Variants in RREB1 observed in about 807,000 individuals in gnomAD.
RREB1 encodes the protein ras responsive element binding protein 1, also known as ras-responsive element-binding protein 1.
In RREB1, 27 loss-of-function variants were observed where a neutral mutation model predicts 117.8. The observed-to-expected ratio is 0.23, with a 90% CI of 0.17 to 0.32. The LOEUF is 0.32. Among genes scored for constraint, RREB1 ranks in the 10% least tolerant of loss-of-function variants. The pLI is 1.00. For synonymous variants in RREB1, 1,298 were observed against 1,026.7 expected (o/e 1.26, Z -5.05); for missense variants, 2,577 against 2,378.2 (o/e 1.08, Z -1.74).
At chr6:7,186,274 T>C (rs544337628) in intron 4 of RREB1, among the ~76,000 whole-genome samples, 72 of 152,288 alleles carry the variant, frequency 4.7e-4, no homozygotes, top group East Asian at 7.7e-4. Context: ...GAACTTTCAA[T>C]TCAAGTGCTC....
chr6:7,250,888 T>C lies in RREB1; in HGVS notation c.*1920T>C, dbSNP rs2113219358. The C allele has an allele frequency of 6.6e-6, 1 of 152,306 alleles. No individual in the cohort carries two copies. The highest frequency in any genetic ancestry group is 1.5e-5 in the Non-Finnish European group (1 of 68,024). The allele number at this position is 152,306 out of a possible 1,614,324, so 9.4% of individuals were successfully genotyped here. On this transcript the variant is annotated 3_prime_UTR_variant, in exon 13 of 13. Transcript: ENST00000379938. ...AGTTTAAAAACGAGGTTTTATTTAC[T>C]GTAGAGATGAATGCAAATCAGAACC...
chr6:7,167,929 A>G (rs7356807), intron 1 of RREB1, among the ~76,000 whole-genome samples: 8,884 of 152,164 alleles, frequency 0.058, 866 homozygotes, highest in African/African-American at 0.2. Flanking sequence ...CGGTGGCTCC[A>G]TTGATGGCAA....
intron 1 of RREB1, among the ~76,000 whole-genome samples, chr6:7,164,774 G>T (rs1763842568): frequency 1.3e-5 from 2 of 152,320 alleles, no homozygotes; most frequent in Non-Finnish European, 2.9e-5. Context: ...AGTTAGGATT[G>T]GGAGGAAAAT....
Position 7,117,339 on chromosome 6 carries a change from G to GGGGT in RREB1, c.-285+9285_-285+9288dup, listed in dbSNP as rs1161119640. 3.3e-5 allele frequency among the ~76,000 whole-genome samples: 5 copies of GGGGT among 150,152 alleles called. No homozygotes were observed. The East Asian group carries it at 9.8e-4, about 29-fold the overall frequency. ...AAATAGGGGAGATAACCAGGAAGAT[G>GGGGT]GGGTGGGTGTTCTGAAACACAAAGG... On this transcript the variant is annotated intron_variant, in intron 1 of 12. Coordinates refer to ENST00000379938, the MANE Select transcript of RREB1 (RefSeq NM_001003699.4).
chr6:7,204,763 G>T (rs543917633), intron 6 of RREB1, among the ~76,000 whole-genome samples: 1 of 152,312 alleles, frequency 6.6e-6, no homozygotes, highest in East Asian at 1.9e-4. Context: ...AATTGAGACT[G>T]AAAAGTTAGC....
rs762182619 is a variant in RREB1 at position 7,231,000 on chromosome 6, G to A, written c.2901G>A (p.Glu967=). ...CTGAGGAGGAGGCGGGGAGCAGCGA[G>A]CAGCCCTCTCCCTGCCCAGCACCCG... ...KKPEEEAGSS[E]QPSPCPAPGP... is the part of the protein sequence containing the mutation. The change falls in exon 10 of 13, where the codon GAG becomes GAA. Residue 967 remains glutamate, a synonymous_variant. Coordinates refer to ENST00000379938, the MANE Select transcript of RREB1 (RefSeq NM_001003699.4). 3.1e-6 allele frequency: 5 copies of A among 1,614,168 alleles called. No individual in the cohort carries two copies. The highest frequency in any genetic ancestry group is 1.7e-6 in the Non-Finnish European group (2 of 1,180,022).
chr6:7,186,981 C>A (rs1765115353), intron 4 of RREB1, among the ~76,000 whole-genome samples: 1 of 152,178 alleles, frequency 6.6e-6, no homozygotes, highest in Non-Finnish European at 1.5e-5. Context: ...CTGATGAGAA[C>A]CTTGTTATCT....
Position 7,163,380 on chromosome 6 carries a change from GTTTTA to G in RREB1, c.-284-13261_-284-13257del, listed in dbSNP as rs1214520836. ...ACTGAGGCTGTTCTTTGACTTCAGC[GTTTTA>G]TTTTATTTTATTTATTTATTTATTG... is the stretch of plus-strand genomic sequence containing the variant. On this transcript the variant is annotated intron_variant, in intron 1 of 12. Transcript: ENST00000379938. 2.0e-5 allele frequency among the ~76,000 whole-genome samples: 3 copies of G among 152,096 alleles called. No homozygotes were observed. In the South Asian group the frequency reaches 6.3e-4, roughly 32 times the overall value.
chr6:7,224,998 C>T (rs912922565), intron 8 of RREB1, among the ~76,000 whole-genome samples: 6 of 152,092 alleles, frequency 3.9e-5, no homozygotes, highest in Non-Finnish European at 5.9e-5. Flanking sequence ...CCCGCTACAG[C>T]GCGATAAGGC....
chr6:7,202,651 G>A (rs960299800), intron 6 of RREB1, among the ~76,000 whole-genome samples: 2 of 152,216 alleles, frequency 1.3e-5, no homozygotes, highest in African/African-American at 4.8e-5. Context: ...CCAGCCATGA[G>A]TGTGGGGATT....
In RREB1 at chr6:7,248,559, A is replaced by G; in HGVS notation, c.4820A>G (p.Lys1607Arg). 1.9e-6 allele frequency: 3 copies of G among 1,614,264 alleles called. No homozygotes were observed. The highest frequency in any genetic ancestry group is 1.7e-6 in the Non-Finnish European group (2 of 1,180,042). Residue 1607 changes from lysine to arginine, a missense_variant, in exon 13 of 13, where the codon AAG becomes AGG. Coordinates refer to ENST00000379938, the MANE Select transcript of RREB1 (RefSeq NM_001003699.4). The stretch of plus-strand genomic sequence containing the variant: ...ACCTGCGAGCGAACCTTCACCTTGA[A>G]GCACAGCCTGGTTCGCCACCAGCGG... ...CQTCERTFTLKHSLVRHQRIH... is the reference protein window; with the variant it reads ...CQTCERTFTLRHSLVRHQRIH...
At chr6:7,162,844 ATTTTT>A (rs961250474) in intron 1 of RREB1, among the ~76,000 whole-genome samples, 1 of 151,322 alleles carries the variant, frequency 6.6e-6, no homozygotes, top group African/African-American at 2.4e-5. Context: ...TTTTATTTTT[ATTTTT>A]TTATTTTTTC....
At chr6:7,109,155 C>T (rs890812861) in intron 1 of RREB1, among the ~76,000 whole-genome samples, 3 of 151,914 alleles carry the variant, frequency 2.0e-5, no homozygotes, top group African/African-American at 4.8e-5. Flanking sequence ...TGTCCGCCGC[C>T]CGCTGGACCA....
Position 7,221,423 on chromosome 6 carries a change from C to T in RREB1, c.708-5044C>T, listed in dbSNP as rs562248875. Among the ~76,000 whole-genome samples the T allele has an allele frequency of 1.2e-4, 19 of 152,276 alleles. No individual in the cohort carries two copies. In the South Asian group the frequency reaches 2.5e-3, roughly 20 times the overall value. On this transcript the variant is annotated intron_variant, in intron 8 of 12. Transcript: ENST00000379938. ...TCCTGACCTCATGATCCACCCGCCT[C>T]GGCCTCCCAAAGTGCTGGGATTACA...
At chr6:7,151,633 C>T (rs1763127468) in intron 1 of RREB1, among the ~76,000 whole-genome samples, 1 of 152,178 alleles carries the variant, frequency 6.6e-6, no homozygotes, top group Non-Finnish European at 1.5e-5. Flanking sequence ...GTTGGTAGAG[C>T]TTAAAGGGGA....
intron 1 of RREB1, among the ~76,000 whole-genome samples, chr6:7,154,095 T>G (rs2113438404): frequency 6.6e-6 from 1 of 152,364 alleles, no homozygotes; most frequent in East Asian, 1.9e-4. Context: ...TATGTGGATA[T>G]TCTTTGAGCA....
At chr6:7,159,080 TTAAG>T (rs1172306292) in intron 1 of RREB1, among the ~76,000 whole-genome samples, 2 of 152,190 alleles carry the variant, frequency 1.3e-5, no homozygotes, top group African/African-American at 2.4e-5. Flanking sequence ...GCACTGCAAT[TTAAG>T]TAAGCAGAAA....
intron 8 of RREB1, chr6:7,219,127 A>C (rs2842371): frequency 5.9e-5 from 8 of 136,360 alleles, no homozygotes; most frequent in East Asian, 4.7e-4. Flanking sequence ...AAAAAAAGCC[A>C]GGCACGGTGT....
chr6:7,118,130 T>C (rs1271615759), intron 1 of RREB1, among the ~76,000 whole-genome samples: 15 of 152,196 alleles, frequency 9.9e-5, no homozygotes, highest in Admixed American at 9.2e-4. Context: ...AGTTTTTTGT[T>C]TTCTTTTTGA....
Sources: gnomAD v4.1 joint callset for allele counts (sites outside exome capture counted in the v4.1 genomes callset) on GRCh38, gnomAD v4.1.1 for gene constraint, MANE v1.5 for transcripts, NCBI Gene and HGNC (gene_info 2026-07-23, HGNC 2026-07-21) for gene names.